Variants in GRID2 observed in about 807,000 individuals in gnomAD.
The protein encoded by GRID2 is glutamate receptor ionotropic, delta-2.
GRID2 carries 33 observed loss-of-function variants against 114.8 expected under a neutral mutation model. The observed-to-expected ratio is 0.29, with a 90% confidence interval of 0.22 to 0.38. The LOEUF is 0.38. Ranked by LOEUF, GRID2 falls within the 10% of genes least tolerant of loss-of-function variation. GRID2 has a pLI of 1.00. For synonymous variants in GRID2, 505 were observed against 449.9 expected (o/e 1.12, Z -1.55); for missense variants, 1,184 against 1,257.7 (o/e 0.94, Z 0.89).
At chr4:92,765,363 G>A (rs571412613) in intron 2 of GRID2, among the ~76,000 whole-genome samples, 31 of 152,078 alleles carry the variant, frequency 2.0e-4, no homozygotes, top group Non-Finnish European at 3.2e-4. Context: ...AAAAATCGAC[G>A]TCCAAACTCA....
chr4:92,960,637 A>G lies in GRID2; in HGVS notation c.245-124358A>G, dbSNP rs867907472. Among the ~76,000 whole-genome samples the G allele has an allele frequency of 2.6e-5, 4 of 152,150 alleles. No individual in the cohort carries two copies. In the South Asian group the frequency reaches 8.3e-4, roughly 31 times the overall value. Reference sequence around the variant, plus strand: ...TGTTAACTTATATGTATTTATATTTAGGGTAAGTTTCTTGCAGACAAAATA... The same window carrying G: ...TGTTAACTTATATGTATTTATATTTGGGGTAAGTTTCTTGCAGACAAAATA... On this transcript the variant is annotated intron_variant, in intron 2 of 15. Coordinates refer to ENST00000282020, the MANE Select transcript of GRID2 (RefSeq NM_001510.4).
At chr4:92,710,468 T>C (rs962380808) in intron 2 of GRID2, among the ~76,000 whole-genome samples, 1 of 152,232 alleles carries the variant, frequency 6.6e-6, no homozygotes, top group Non-Finnish European at 1.5e-5. Flanking sequence ...TATGTAATTT[T>C]TCTTCTATCA....
At chr4:92,501,051 C>T (rs1723659241) in intron 1 of GRID2, among the ~76,000 whole-genome samples, 1 of 152,158 alleles carries the variant, frequency 6.6e-6, no homozygotes, top group Non-Finnish European at 1.5e-5. Flanking sequence ...AGGCTTATTT[C>T]AGATGCTCTG....
intron 8 of GRID2, among the ~76,000 whole-genome samples, chr4:93,310,965 G>A (rs911019900): frequency 6.6e-6 from 1 of 152,148 alleles, no homozygotes; most frequent in Non-Finnish European, 1.5e-5. Context: ...GTTCTCAGAG[G>A]TAGCTTTTGA....
At chr4:92,688,326 A>C (rs959624222) in intron 2 of GRID2, among the ~76,000 whole-genome samples, 1 of 151,882 alleles carries the variant, frequency 6.6e-6, no homozygotes, top group Non-Finnish European at 1.5e-5. Flanking sequence ...CTGGGATTAC[A>C]GGTGTGAGCC....
At chr4:93,021,918 T>C (rs1256653585) in intron 2 of GRID2, among the ~76,000 whole-genome samples, 2 of 150,380 alleles carry the variant, frequency 1.3e-5, no homozygotes, top group African/African-American at 4.9e-5. Flanking sequence ...TAGCTTCAAC[T>C]CTGGAGAGAG....
chr4:93,257,001 C>A (rs1364847500), intron 8 of GRID2, among the ~76,000 whole-genome samples: 1 of 151,664 alleles, frequency 6.6e-6, no homozygotes, highest in Non-Finnish European at 1.5e-5. Flanking sequence ...ATATTATTTG[C>A]TTATTTTTTG....
intron 2 of GRID2, among the ~76,000 whole-genome samples, chr4:92,688,750 C>A (rs1734042000): frequency 6.6e-6 from 1 of 152,234 alleles, no homozygotes; most frequent in South Asian, 2.1e-4. Context: ...CTCCAAACTT[C>A]TTTTAATGTT....
chr4:92,977,738 T>C (rs1366353021), intron 2 of GRID2, among the ~76,000 whole-genome samples: 2 of 152,132 alleles, frequency 1.3e-5, no homozygotes, highest in African/African-American at 2.4e-5. Flanking sequence ...ATGTTTGGAT[T>C]TAAAATCAAT....
At chr4:92,654,751 T>TAA (rs532597603) in intron 2 of GRID2, among the ~76,000 whole-genome samples, 3 of 151,878 alleles carry the variant, frequency 2.0e-5, no homozygotes, top group East Asian at 3.9e-4. Context: ...AAATGGAATT[T>TAA]TAAAAAAAAA....
At chr4:92,865,127 A>G (rs1331230331) in intron 2 of GRID2, among the ~76,000 whole-genome samples, 2 of 152,204 alleles carry the variant, frequency 1.3e-5, no homozygotes, top group Non-Finnish European at 2.9e-5. Flanking sequence ...CTGACAGGAT[A>G]GATTGGTCCC....
chr4:92,625,525 T>A (rs1412959585), intron 2 of GRID2, among the ~76,000 whole-genome samples: 1 of 151,864 alleles, frequency 6.6e-6, no homozygotes, highest in African/African-American at 2.4e-5. Flanking sequence ...TATGAGATAG[T>A]AATACACAGT....
intron 14 of GRID2, among the ~76,000 whole-genome samples, chr4:93,645,808 T>C (rs1722058993): frequency 1.3e-5 from 2 of 152,204 alleles, no homozygotes; most frequent in Admixed American, 1.3e-4. Context: ...TCATTTCTTG[T>C]GTTCATACTT....
chr4:93,158,719 C>T (rs1737402676), intron 4 of GRID2, among the ~76,000 whole-genome samples: 1 of 151,708 alleles, frequency 6.6e-6, no homozygotes, highest in Non-Finnish European at 1.5e-5. Flanking sequence ...ATTTGAACTC[C>T]AGCTGTCTTT....
At chr4:92,695,158 G>A (rs1010391755) in intron 2 of GRID2, among the ~76,000 whole-genome samples, 7 of 151,920 alleles carry the variant, frequency 4.6e-5, no homozygotes, top group Non-Finnish European at 1.0e-4. Flanking sequence ...TAGAGACAGG[G>A]TTTCACTATA....
chr4:92,744,487 CAAA>C (rs34643860), intron 2 of GRID2, among the ~76,000 whole-genome samples: 6 of 85,448 alleles, frequency 7.0e-5, no homozygotes, highest in Admixed American at 1.3e-4. Flanking sequence ...TCCTCCATCT[CAAA>C]AAAAAAAAAA....
At chr4:92,749,617 A>G (rs1262574337) in intron 2 of GRID2, among the ~76,000 whole-genome samples, 1 of 152,068 alleles carries the variant, frequency 6.6e-6, no homozygotes, top group Non-Finnish European at 1.5e-5. Flanking sequence ...CCAAGACAGT[A>G]GATGCGCTGG....
chr4:92,323,157 T>C (rs1726407134), intron 1 of GRID2, among the ~76,000 whole-genome samples: 1 of 152,056 alleles, frequency 6.6e-6, no homozygotes, highest in African/African-American at 2.4e-5. Flanking sequence ...TTACCTTGAG[T>C]CCCAAGAGGA....
At chr4:93,027,727 C>T (rs1724013900) in intron 2 of GRID2, among the ~76,000 whole-genome samples, 1 of 152,022 alleles carries the variant, frequency 6.6e-6, no homozygotes, top group Admixed American at 6.6e-5. Context: ...TATATTTAAA[C>T]ATACATGTTA....
Sources: gnomAD v4.1 joint callset for allele counts (sites outside exome capture counted in the v4.1 genomes callset) on GRCh38, gnomAD v4.1.1 for gene constraint, MANE v1.5 for transcripts, NCBI Gene and HGNC (gene_info 2026-07-23, HGNC 2026-07-21) for gene names.